Variants in FILIP1 observed in about 807,000 individuals in gnomAD.
The protein encoded by FILIP1 is filamin A interacting protein 1, also known as filamin-A-interacting protein 1.
FILIP1 carries 61 observed loss-of-function variants against 102.1 expected under a neutral mutation model. That is an observed-to-expected ratio of 0.60 (90% CI 0.49 to 0.74). The LOEUF (loss-of-function observed/expected upper bound fraction) is 0.74, where lower values mean the gene tolerates loss of function less well. FILIP1 is among the 30% of genes least tolerant of loss of function. The pLI is 0.00. For synonymous variants in FILIP1, 491 were observed against 526.9 expected (o/e 0.93, Z 0.93); for missense variants, 1,314 against 1,441.2 (o/e 0.91, Z 1.43).
chr6:75,406,335 A>C (rs540945316), intron 2 of FILIP1, among the ~76,000 whole-genome samples: 6 of 152,294 alleles, frequency 3.9e-5, no homozygotes, highest in African/African-American at 1.4e-4. Flanking sequence ...ACCCACTCTG[A>C]TTCTGTTCAT....
intron 1 of FILIP1, among the ~76,000 whole-genome samples, chr6:75,441,273 A>C (rs1357167940): frequency 6.6e-6 from 1 of 152,092 alleles, no homozygotes; most frequent in African/African-American, 2.4e-5. Flanking sequence ...GACACAGCAC[A>C]TGTTTCAGAG....
intron 5 of FILIP1, among the ~76,000 whole-genome samples, chr6:75,312,051 G>C (rs976070003): frequency 6.6e-6 from 1 of 151,770 alleles, no homozygotes; most frequent in Non-Finnish European, 1.5e-5. Context: ...CATTTCCCCC[G>C]TCTCCATTCA....
At chr6:75,459,756 T>C (rs2998365) in intron 1 of FILIP1, among the ~76,000 whole-genome samples, 100,802 of 151,942 alleles carry the variant, frequency 0.66, 34,070 homozygotes, top group African/African-American at 0.77. Context: ...GTCTTTCCAA[T>C]TGTCAAATAT....
At chr6:75,462,646 G>A (rs1285951782) in intron 1 of FILIP1, among the ~76,000 whole-genome samples, 1 of 151,866 alleles carries the variant, frequency 6.6e-6, no homozygotes, top group African/African-American at 2.4e-5. Flanking sequence ...CTATAGCTGT[G>A]TACAGCAGCT....
intron 3 of FILIP1, among the ~76,000 whole-genome samples, chr6:75,362,362 T>A (rs1024738720): frequency 6.6e-6 from 1 of 152,214 alleles, no homozygotes; most frequent in Non-Finnish European, 1.5e-5. Flanking sequence ...CCATATCAGA[T>A]AAGATCAATT....
intron 2 of FILIP1, among the ~76,000 whole-genome samples, chr6:75,405,603 G>T (rs139779510): frequency 6.6e-6 from 1 of 152,140 alleles, no homozygotes; most frequent in African/African-American, 2.4e-5. Context: ...CTATAGAAGG[G>T]TGTGCCCTTA....
chr6:75,304,407 G>A (rs888830868), downstream of FILIP1, among the ~76,000 whole-genome samples: 5 of 152,010 alleles, frequency 3.3e-5, no homozygotes, highest in Admixed American at 2.6e-4. Flanking sequence ...CTGCAGTCTA[G>A]GTTTTGCCAT....
chr6:75,377,257 G>T (rs1222645888), intron 2 of FILIP1, among the ~76,000 whole-genome samples: 1 of 152,084 alleles, frequency 6.6e-6, no homozygotes, highest in Non-Finnish European at 1.5e-5. Flanking sequence ...TGAAAAAAGG[G>T]TCTACTTATT....
At chr6:75,465,479 T>A (rs1779135865) in intron 1 of FILIP1, 1 of 973,378 alleles carries the variant, frequency 1.0e-6, no homozygotes, top group Non-Finnish European at 1.6e-6. Context: ...TCATATAGCA[T>A]CAAAGTTGTC....
chr6:75,442,122 C>T (rs1242075177), intron 1 of FILIP1, among the ~76,000 whole-genome samples: 3 of 151,876 alleles, frequency 2.0e-5, no homozygotes, highest in South Asian at 2.1e-4. Flanking sequence ...GATGGGGCGG[C>T]GGAGCAGAGG....
intron 4 of FILIP1, among the ~76,000 whole-genome samples, chr6:75,348,478 A>G (rs1774673444): frequency 6.6e-6 from 1 of 152,236 alleles, no homozygotes; most frequent in Non-Finnish European, 1.5e-5. Flanking sequence ...CAAATATGCA[A>G]TCAATGATGG....
chr6:75,326,409 A>G (rs1773866863), intron 4 of FILIP1, among the ~76,000 whole-genome samples: 1 of 152,106 alleles, frequency 6.6e-6, no homozygotes, highest in Non-Finnish European at 1.5e-5. Context: ...CACTGCTCGG[A>G]TGATGGGTGC....
intron 1 of FILIP1, among the ~76,000 whole-genome samples, chr6:75,450,155 C>T (rs776726620): frequency 6.6e-6 from 1 of 151,936 alleles, no homozygotes; most frequent in African/African-American, 2.4e-5. Context: ...GGAAGTGGCC[C>T]GGGCGGGTGG....
At chr6:75,297,747 G>A (rs1018471) in intron 6 of FILIP1, among the ~76,000 whole-genome samples, 9 of 151,858 alleles carry the variant, frequency 5.9e-5, no homozygotes, top group African/African-American at 2.2e-4. Context: ...AGATTCCAAA[G>A]AGTAAAAAGA....
chr6:75,393,853 T>C (rs956414007), intron 2 of FILIP1, among the ~76,000 whole-genome samples: 1 of 152,174 alleles, frequency 6.6e-6, no homozygotes, highest in Non-Finnish European at 1.5e-5. Context: ...AAAGGTGGGA[T>C]GGGGAGAAAA....
chr6:75,386,972 G>GCCTAATGCTATCCTCCCTTTGCTATC (rs1435061896), intron 2 of FILIP1, among the ~76,000 whole-genome samples: 3 of 151,920 alleles, frequency 2.0e-5, no homozygotes, highest in African/African-American at 4.8e-5. Flanking sequence ...TAGGTATTTT[G>GCCTAATGCTATCCTCCCTTTGCTATC]CCTAATGCTA....
intron 4 of FILIP1, among the ~76,000 whole-genome samples, chr6:75,344,978 CAGATCT>C (rs1478735668): frequency 6.6e-6 from 1 of 152,176 alleles, no homozygotes; most frequent in African/African-American, 2.4e-5. Context: ...ATGACTGGTT[CAGATCT>C]AGAGAAACTG....
At chr6:75,422,352 T>A (rs921423907) in intron 1 of FILIP1, among the ~76,000 whole-genome samples, 4 of 152,170 alleles carry the variant, frequency 2.6e-5, no homozygotes, top group East Asian at 1.9e-4. Context: ...TTACCTTTAC[T>A]TTTTCTACTT....
At chr6:75,410,703 C>T (rs1469090404) in intron 2 of FILIP1, among the ~76,000 whole-genome samples, 1 of 152,176 alleles carries the variant, frequency 6.6e-6, no homozygotes, top group Non-Finnish European at 1.5e-5. Context: ...CCAGCTTCAT[C>T]CATGTCCCTG....
Sources: gnomAD v4.1 joint callset for allele counts (sites outside exome capture counted in the v4.1 genomes callset) on GRCh38, gnomAD v4.1.1 for gene constraint, MANE v1.5 for transcripts, NCBI Gene and HGNC (gene_info 2026-07-23, HGNC 2026-07-21) for gene names.